Variants in RALGAPA2 observed in about 807,000 individuals in gnomAD.
RALGAPA2 encodes the protein ral GTPase-activating protein subunit alpha-2.
RALGAPA2 carries 139 observed loss-of-function variants against 230.4 expected under a neutral mutation model. The observed-to-expected ratio is 0.60, with a 90% CI of 0.53 to 0.69. RALGAPA2 has a LOEUF of 0.69. Among genes scored for constraint, RALGAPA2 ranks in the 30% least tolerant of loss-of-function variants. The pLI is 0.00. For synonymous variants in RALGAPA2, 847 were observed against 837.8 expected (o/e 1.01, Z -0.19); for missense variants, 2,163 against 2,276.0 (o/e 0.95, Z 1.01).
chr20:20,435,901 T>G (rs969464537), intron 37 of RALGAPA2, among the ~76,000 whole-genome samples: 3 of 152,224 alleles, frequency 2.0e-5, no homozygotes, highest in Non-Finnish European at 2.9e-5. Flanking sequence ...TGAGCAGGAT[T>G]AGTAAAAATT....
rs145137727 is a variant in RALGAPA2, at chr20:20,665,855, C to T, written c.270+10381G>A. On this transcript the variant is annotated intron_variant, in intron 3 of 39. Transcript: ENST00000202677. ...CAGTATCCAGTACAGGCGATAGCAC[C>T]GAGGAGCAACTACAGAGCTAATTCA... Among the ~76,000 whole-genome samples, 56 of 152,296 alleles carry T rather than the reference C, an allele frequency of 3.7e-4. 1 individual carries two copies. The East Asian group carries it at 0.01, about 28-fold the overall frequency.
rs147965589 is a variant in RALGAPA2 at position 20,705,264 on chromosome 20, T to C, written c.106+7111A>G. Among the ~76,000 whole-genome samples, 151 of 152,340 alleles carry C rather than the reference T, an allele frequency of 9.9e-4. 1 individual carries two copies. The highest frequency in any genetic ancestry group is 3.4e-3 in the African/African-American group (141 of 41,582). ...CTCTGTCACCTAAGCTGGAGTGCAGTGGCATGATCAAGGTTCACTGTAGCC... is the reference window on the plus strand; with the variant it reads ...CTCTGTCACCTAAGCTGGAGTGCAGCGGCATGATCAAGGTTCACTGTAGCC... On this transcript the variant is annotated intron_variant, in intron 1 of 39. Coordinates refer to ENST00000202677, the MANE Select transcript of RALGAPA2 (RefSeq NM_020343.4).
intron 13 of RALGAPA2, among the ~76,000 whole-genome samples, chr20:20,612,526 TCA>T (rs2066006782): frequency 6.6e-6 from 1 of 152,234 alleles, no homozygotes; most frequent in Admixed American, 6.5e-5. Flanking sequence ...ATAAAATTCC[TCA>T]CAGTAAAATC....
intron 5 of RALGAPA2, among the ~76,000 whole-genome samples, chr20:20,641,284 T>C (rs1356250207): frequency 1.3e-5 from 2 of 152,212 alleles, no homozygotes; most frequent in Non-Finnish European, 2.9e-5. Context: ...GTGTTTCCTG[T>C]TAATAGTATC....
chr20:20,690,449 T>C (rs938151465), intron 1 of RALGAPA2, among the ~76,000 whole-genome samples: 1 of 152,090 alleles, frequency 6.6e-6, no homozygotes, highest in Non-Finnish European at 1.5e-5. Flanking sequence ...CCATCAGGCC[T>C]TGCACTCAGG....
intron 36 of RALGAPA2, among the ~76,000 whole-genome samples, chr20:20,487,996 T>C (rs1412586078): frequency 2.0e-5 from 3 of 152,098 alleles, no homozygotes; most frequent in African/African-American, 2.4e-5. Context: ...CCTAGGTATA[T>C]GAGGGGGACT....
intron 37 of RALGAPA2, among the ~76,000 whole-genome samples, chr20:20,468,312 GA>G (rs2061464461): frequency 6.6e-6 from 1 of 152,106 alleles, no homozygotes; most frequent in Non-Finnish European, 1.5e-5. Flanking sequence ...TAGAAATTTG[GA>G]TTAGAAAAGC....
intron 39 of RALGAPA2, among the ~76,000 whole-genome samples, chr20:20,396,067 G>A (rs1346460890): frequency 6.6e-6 from 1 of 152,220 alleles, no homozygotes; most frequent in African/African-American, 2.4e-5. Context: ...AGCGCTCTGG[G>A]CAGGGCCTGG....
chr20:20,497,332 G>A (rs780687667), intron 35 of RALGAPA2, among the ~76,000 whole-genome samples: 19 of 152,072 alleles, frequency 1.2e-4, no homozygotes, highest in African/African-American at 2.7e-4. Flanking sequence ...GTATGTTTTC[G>A]GGGAAATATG....
intron 37 of RALGAPA2, among the ~76,000 whole-genome samples, chr20:20,452,996 CA>C (rs1453312572): frequency 2.0e-5 from 3 of 152,206 alleles, no homozygotes; most frequent in Admixed American, 6.5e-5. Flanking sequence ...TGTGTGGCCT[CA>C]GGCAAGTTAT....
chr20:20,535,987 TG>T (rs1012778184), intron 25 of RALGAPA2, among the ~76,000 whole-genome samples, 184 bp from the exon 26 acceptor site: 1 of 151,936 alleles, frequency 6.6e-6, no homozygotes, highest in Non-Finnish European at 1.5e-5. Context: ...TGGTAGAAGA[TG>T]GGGGTCTCCA....
At chr20:20,548,479 T>C (rs1455830145) in intron 23 of RALGAPA2, among the ~76,000 whole-genome samples, 3 of 152,138 alleles carry the variant, frequency 2.0e-5, no homozygotes, top group Non-Finnish European at 4.4e-5. Flanking sequence ...GTTTAGCAAG[T>C]ACTAATTTAA....
At chr20:20,482,049 T>G (rs144861557) in intron 36 of RALGAPA2, among the ~76,000 whole-genome samples, 40 of 152,362 alleles carry the variant, frequency 2.6e-4, no homozygotes, top group African/African-American at 8.4e-4. Context: ...CCTACATTCC[T>G]ATCTCTGTAT....
intron 1 of RALGAPA2, among the ~76,000 whole-genome samples, chr20:20,705,415 C>T (rs1366633106): frequency 6.6e-6 from 1 of 151,978 alleles, no homozygotes; most frequent in Non-Finnish European, 1.5e-5. Flanking sequence ...ACTATATTGC[C>T]CAGGCTAGTA....
intron 1 of RALGAPA2, among the ~76,000 whole-genome samples, chr20:20,706,979 C>T (rs2069632316): frequency 6.6e-6 from 1 of 152,128 alleles, no homozygotes; most frequent in African/African-American, 2.4e-5. Flanking sequence ...AGCATTCTAT[C>T]ATTTCATTAA....
intron 35 of RALGAPA2, among the ~76,000 whole-genome samples, chr20:20,502,150 G>A (rs1054513671): frequency 6.6e-6 from 1 of 152,172 alleles, no homozygotes; most frequent in Non-Finnish European, 1.5e-5. Flanking sequence ...GTTTGATTAA[G>A]GGTTGCCACA....
chr20:20,547,551 T>C (rs2145722241), intron 23 of RALGAPA2, among the ~76,000 whole-genome samples: 1 of 152,352 alleles, frequency 6.6e-6, no homozygotes, highest in Middle Eastern at 3.4e-3. Flanking sequence ...AGATATCTAA[T>C]TCTTGCCTGT....
intron 34 of RALGAPA2, 53 bp from the exon 35 acceptor site, chr20:20,503,559 T>C: frequency 7.1e-7 from 1 of 1,401,210 alleles, no homozygotes; most frequent in Non-Finnish European, 9.5e-7. Flanking sequence ...AGCTGCTCTT[T>C]CACTAAGCAG....
At chr20:20,460,262 C>T (rs1865963852) in intron 37 of RALGAPA2, among the ~76,000 whole-genome samples, 1 of 152,238 alleles carries the variant, frequency 6.6e-6, no homozygotes, top group South Asian at 2.1e-4. Flanking sequence ...TCATTCCATA[C>T]ATCCTTACAA....
Sources: allele counts gnomAD v4.1 joint callset (sites outside exome capture counted in the v4.1 genomes callset), GRCh38; gene constraint gnomAD v4.1.1; transcripts MANE v1.5; gene names NCBI Gene and HGNC (gene_info 2026-07-23, HGNC 2026-07-21).